The following LHFPL3 variants were observed in gnomAD, a reference collection of about 807,000 sequenced individuals.
LHFPL3 encodes the protein LHFPL tetraspan subfamily member 3 protein.
Under a neutral mutation model 19.3 loss-of-function variants are expected in LHFPL3, and 5 were observed. That is an observed-to-expected ratio of 0.26 (90% CI 0.14 to 0.54). The LOEUF is 0.54. LHFPL3 is among the 20% of genes least tolerant of loss of function. The pLI is 0.94. For synonymous variants in LHFPL3, 133 were observed against 126.2 expected (o/e 1.05, Z -0.36); for missense variants, 249 against 307.4 (o/e 0.81, Z 1.42).
chr7:104,849,957 T>A (rs1273480364), intron 2 of LHFPL3, among the ~76,000 whole-genome samples: 1 of 152,268 alleles, frequency 6.6e-6, no homozygotes, highest in East Asian at 1.9e-4. Context: ...TTCTGGTTTC[T>A]GTGACCAGCC....
At chr7:104,425,992 G>A (rs924369433) in intron 1 of LHFPL3, among the ~76,000 whole-genome samples, 5 of 152,142 alleles carry the variant, frequency 3.3e-5, no homozygotes, top group Admixed American at 3.3e-4. Flanking sequence ...TTGAACTGTT[G>A]CACGTCAACA....
chr7:104,344,367 T>G (rs1790023166), intron 1 of LHFPL3, among the ~76,000 whole-genome samples: 1 of 152,176 alleles, frequency 6.6e-6, no homozygotes, highest in Non-Finnish European at 1.5e-5. Context: ...TAGCCCGAGT[T>G]GTATACATTG....
At chr7:104,850,078 G>A (rs759161738) in intron 2 of LHFPL3, among the ~76,000 whole-genome samples, 11 of 152,294 alleles carry the variant, frequency 7.2e-5, no homozygotes, top group African/African-American at 1.9e-4. Flanking sequence ...CAAGGTGGGC[G>A]GATCACTTGA....
chr7:104,518,480 G>A (rs7796545), intron 1 of LHFPL3, among the ~76,000 whole-genome samples: 1 of 148,520 alleles, frequency 6.7e-6, no homozygotes, highest in African/African-American at 2.6e-5. Flanking sequence ...GATAATGGAT[G>A]TCCAATCTCT....
At chr7:104,847,260 G>A (rs1160375542) in intron 2 of LHFPL3, among the ~76,000 whole-genome samples, 1 of 152,124 alleles carries the variant, frequency 6.6e-6, no homozygotes, top group East Asian at 1.9e-4. Flanking sequence ...GGTGAACAAG[G>A]TTACATTCTC....
At position 104,489,305 on chromosome 7, in the gene LHFPL3, G is replaced by A. The variant is rs1793295755; in HGVS notation, c.445+160081G>A. On this transcript the variant is annotated intron_variant, in intron 1 of 2. Coordinates refer to ENST00000424859, the MANE Select transcript of LHFPL3 (RefSeq NM_199000.3). The stretch of plus-strand genomic sequence containing the variant: ...CACCGTTTTTAGCCGGGATGGTCTC[G>A]ATCTCCTGACCTCGTGATCCGCCCG... 1.4e-5 allele frequency among the ~76,000 whole-genome samples: 2 copies of A among 144,718 alleles called. 1 individual carries two copies. Among genetic ancestry groups the A allele is most frequent in the Non-Finnish European group, 3.1e-5 (2 of 65,470 alleles). The allele number at this position is 144,718 out of a possible 152,430, so 94.9% of individuals were successfully genotyped here.
At chr7:104,717,563 G>A (rs995571956) in intron 1 of LHFPL3, among the ~76,000 whole-genome samples, 2 of 152,086 alleles carry the variant, frequency 1.3e-5, no homozygotes, top group East Asian at 1.9e-4. Context: ...TATGCCCAAT[G>A]TCACTAATAA....
At chr7:104,488,529 G>GTCTCTC (rs151004429) in intron 1 of LHFPL3, among the ~76,000 whole-genome samples, 3 of 150,756 alleles carry the variant, frequency 2.0e-5, no homozygotes, top group South Asian at 2.1e-4. Flanking sequence ...TGTATAATCT[G>GTCTCTC]TCTCTCTCTC....
chr7:104,749,036 A>G (rs1794105096), intron 2 of LHFPL3, among the ~76,000 whole-genome samples: 1 of 152,258 alleles, frequency 6.6e-6, no homozygotes. Context: ...GATAGAGAAC[A>G]AATTTGACAT....
chr7:104,588,818 G>T (rs1391638531), intron 1 of LHFPL3, among the ~76,000 whole-genome samples: 2 of 152,112 alleles, frequency 1.3e-5, no homozygotes, highest in Admixed American at 1.3e-4. Context: ...AGTTCTCCTT[G>T]AAGAGGTCCT....
intron 2 of LHFPL3, among the ~76,000 whole-genome samples, chr7:104,758,883 A>G (rs57973431): frequency 0.014 from 2,061 of 152,308 alleles, 30 homozygotes; most frequent in East Asian, 0.054. Context: ...AAATCCTCGT[A>G]ACCCTAAAGT....
intron 2 of LHFPL3, among the ~76,000 whole-genome samples, chr7:104,860,344 C>A (rs908515469): frequency 3.3e-5 from 5 of 152,148 alleles, no homozygotes; most frequent in Admixed American, 1.3e-4. Flanking sequence ...TTACTTCCAG[C>A]AATATATTTG....
intron 1 of LHFPL3, among the ~76,000 whole-genome samples, chr7:104,348,135 C>G (rs1031035431): frequency 2.0e-5 from 3 of 152,130 alleles, no homozygotes; most frequent in African/African-American, 7.2e-5. Context: ...GCCTGTAATC[C>G]CAGAACTTTG....
intron 1 of LHFPL3, among the ~76,000 whole-genome samples, chr7:104,635,451 T>C (rs974352015): frequency 6.6e-6 from 1 of 152,060 alleles, no homozygotes. Context: ...GGGCAAAATG[T>C]AAAGAAAAAA....
At chr7:104,727,143 G>C (rs1015329120) in intron 1 of LHFPL3, among the ~76,000 whole-genome samples, 1 of 152,122 alleles carries the variant, frequency 6.6e-6, no homozygotes, top group Non-Finnish European at 1.5e-5. Context: ...AGAAGTGTCT[G>C]TTCATATCCT....
At chr7:104,814,423 A>T (rs1754777101) in intron 2 of LHFPL3, among the ~76,000 whole-genome samples, 1 of 152,100 alleles carries the variant, frequency 6.6e-6, no homozygotes, top group Admixed American at 6.5e-5. Context: ...ACATCTGCTC[A>T]GCTCTGGCTG....
At chr7:104,559,747 C>T (rs1789943454) in intron 1 of LHFPL3, among the ~76,000 whole-genome samples, 1 of 151,936 alleles carries the variant, frequency 6.6e-6, no homozygotes, top group Admixed American at 6.6e-5. Context: ...GAAGGCATCC[C>T]TGTCTTGTGC....
chr7:104,490,057 C>T (rs561906099), intron 1 of LHFPL3, among the ~76,000 whole-genome samples: 1 of 152,266 alleles, frequency 6.6e-6, no homozygotes, highest in East Asian at 1.9e-4. Flanking sequence ...GGCACCAAGA[C>T]CTCTGTGCCT....
intron 1 of LHFPL3, among the ~76,000 whole-genome samples, chr7:104,512,499 G>A (rs1376859158): frequency 6.6e-6 from 1 of 152,028 alleles, no homozygotes; most frequent in African/African-American, 2.4e-5. Context: ...CACTTTGGGA[G>A]GCTGAGATGG....
Sources: allele counts gnomAD v4.1 joint callset (sites outside exome capture counted in the v4.1 genomes callset), GRCh38; gene constraint gnomAD v4.1.1; transcripts MANE v1.5; gene names NCBI Gene and HGNC (gene_info 2026-07-23, HGNC 2026-07-21).